Variants in GABRA4 observed in about 807,000 individuals in gnomAD.
The protein encoded by GABRA4 is gamma-aminobutyric acid type A receptor subunit alpha4.
GABRA4 carries 12 observed loss-of-function variants against 49.7 expected under a neutral mutation model. The observed-to-expected ratio is 0.24, with a 90% CI of 0.15 to 0.39. GABRA4 has a LOEUF of 0.39. Ranked by LOEUF, GABRA4 falls within the 10% of genes least tolerant of loss-of-function variation. The pLI is 1.00. For missense variants in GABRA4, 506 were observed against 686.0 expected, an observed-to-expected ratio of 0.74 and a Z score of 2.93; for synonymous variants, 288 against 240.2, an observed-to-expected ratio of 1.20 and a Z score of -1.84.
chr4:46,984,824 T>C (rs781647911), intron 2 of GABRA4, among the ~76,000 whole-genome samples: 1 of 152,036 alleles, frequency 6.6e-6, no homozygotes, highest in Non-Finnish European at 1.5e-5. Flanking sequence ...GTCATGTTCA[T>C]TGTAAACTGT....
intron 8 of GABRA4, among the ~76,000 whole-genome samples, chr4:46,955,649 G>A (rs558399909): frequency 2.1e-4 from 32 of 152,144 alleles, no homozygotes; most frequent in African/African-American, 7.7e-4. Context: ...AAGGAGCACA[G>A]TATTCCCAAC....
rs796077107 is a variant in GABRA4 at position 46,960,341 on chromosome 4, A to C, written c.1134+4629T>G. Among the ~76,000 whole-genome samples, 12 of 151,722 alleles carry C rather than the reference A, an allele frequency of 7.9e-5. No individual in the cohort carries two copies. The South Asian group carries it at 1.0e-3, about 13-fold the overall frequency. On this transcript the variant is annotated intron_variant, in intron 8 of 8. Transcript: ENST00000264318. ...ATGATCTCATAAAATCAGTGGGAGA[A>C]TTTTTCAAATATTTCTTGGTATTTG... is the stretch of plus-strand genomic sequence containing the variant.
intron 8 of GABRA4, among the ~76,000 whole-genome samples, chr4:46,933,404 C>T (rs1721508183): frequency 6.6e-6 from 1 of 152,116 alleles, no homozygotes; most frequent in Non-Finnish European, 1.5e-5. Context: ...TTTAAGTTAT[C>T]TTGACTCAAT....
chr4:46,958,537 A>G (rs975797987), intron 8 of GABRA4, among the ~76,000 whole-genome samples: 4 of 151,960 alleles, frequency 2.6e-5, no homozygotes, highest in African/African-American at 9.7e-5. Context: ...TAGGTACTCT[A>G]AGAAATGAGA....
At chr4:46,992,151 T>C (rs1280205623) in intron 2 of GABRA4, among the ~76,000 whole-genome samples, 1 of 152,208 alleles carries the variant, frequency 6.6e-6, no homozygotes, top group Non-Finnish European at 1.5e-5. Context: ...AATATGAATA[T>C]GAAAAACAGC....
chr4:46,955,730 ATT>A (rs773022444), intron 8 of GABRA4, among the ~76,000 whole-genome samples: 2 of 152,104 alleles, frequency 1.3e-5, no homozygotes, highest in African/African-American at 2.4e-5. Context: ...AAAGGTTTGT[ATT>A]TCAGGAGACA....
At chr4:46,988,293 G>A (rs368126006) in intron 2 of GABRA4, among the ~76,000 whole-genome samples, 4 of 151,772 alleles carry the variant, frequency 2.6e-5, no homozygotes, top group African/African-American at 9.7e-5. Flanking sequence ...ATAATGCTTA[G>A]CTATAAAGTC....
chr4:46,975,813 G>A (rs1246398019), intron 5 of GABRA4, among the ~76,000 whole-genome samples: 1 of 151,734 alleles, frequency 6.6e-6, no homozygotes, highest in Non-Finnish European at 1.5e-5. Context: ...TTTAATTCTG[G>A]CCCCAATGAG....
chr4:46,969,966 C>A (rs957895715), intron 7 of GABRA4, among the ~76,000 whole-genome samples: 1 of 151,346 alleles, frequency 6.6e-6, no homozygotes, highest in Non-Finnish European at 1.5e-5. Flanking sequence ...ATTGCCCCCC[C>A]ATATGAGTTT....
At chr4:46,945,788 C>T (rs1721960645) in intron 8 of GABRA4, among the ~76,000 whole-genome samples, 1 of 152,032 alleles carries the variant, frequency 6.6e-6, no homozygotes, top group Non-Finnish European at 1.5e-5. Flanking sequence ...CTTAAAACAC[C>T]ATTTGAAAAA....
chr4:46,944,760 C>T (rs565391016), intron 8 of GABRA4, among the ~76,000 whole-genome samples: 6 of 152,014 alleles, frequency 3.9e-5, no homozygotes, highest in African/African-American at 1.4e-4. Context: ...AATCTTACAC[C>T]ATATAAACTC....
At chr4:46,978,204 T>C (rs1723211923) in intron 3 of GABRA4, among the ~76,000 whole-genome samples, 1 of 152,068 alleles carries the variant, frequency 6.6e-6, no homozygotes, top group African/African-American at 2.4e-5. Context: ...GGATGAATTC[T>C]TCCTGACCAG....
At chr4:46,986,467 A>G (rs1723541301) in intron 2 of GABRA4, among the ~76,000 whole-genome samples, 1 of 151,882 alleles carries the variant, frequency 6.6e-6, no homozygotes, top group South Asian at 2.1e-4. Flanking sequence ...TTAGTTTTAT[A>G]CACACTCCCT....
At chr4:46,940,657 A>G (rs1226172829) in intron 8 of GABRA4, among the ~76,000 whole-genome samples, 1 of 152,112 alleles carries the variant, frequency 6.6e-6, no homozygotes, top group Non-Finnish European at 1.5e-5. Flanking sequence ...CAGCACATTA[A>G]GTCAGCAGAA....
intron 8 of GABRA4, among the ~76,000 whole-genome samples, chr4:46,948,234 T>G (rs1373640981): frequency 6.6e-6 from 1 of 152,018 alleles, no homozygotes; most frequent in East Asian, 1.9e-4. Flanking sequence ...TCTTAAGTCC[T>G]CCACTGAACA....
At chr4:46,953,671 A>T (rs1722247372) in intron 8 of GABRA4, among the ~76,000 whole-genome samples, 1 of 152,202 alleles carries the variant, frequency 6.6e-6, no homozygotes, top group African/African-American at 2.4e-5. Context: ...ATGATCTAAA[A>T]AATGTGATTA....
At chr4:46,968,650 A>C (rs756281938) in intron 7 of GABRA4, among the ~76,000 whole-genome samples, 3 of 151,664 alleles carry the variant, frequency 2.0e-5, no homozygotes, top group Admixed American at 1.3e-4. Flanking sequence ...AAATCTGTTT[A>C]TCATTGGTAC....
chr4:46,932,491 T>C (rs368851025), intron 8 of GABRA4, among the ~76,000 whole-genome samples: 3 of 152,220 alleles, frequency 2.0e-5, no homozygotes, highest in African/African-American at 7.2e-5. Flanking sequence ...AGAAAAATTA[T>C]ACAAGACTTG....
intron 8 of GABRA4, among the ~76,000 whole-genome samples, chr4:46,963,357 C>T (rs1722645479): frequency 6.6e-6 from 1 of 151,882 alleles, no homozygotes; most frequent in Non-Finnish European, 1.5e-5. Context: ...CCAGAATTCC[C>T]ACTTGTTGTA....
Sources: gnomAD v4.1 joint callset for allele counts (sites outside exome capture counted in the v4.1 genomes callset) on GRCh38, gnomAD v4.1.1 for gene constraint, MANE v1.5 for transcripts, NCBI Gene and HGNC (gene_info 2026-07-23, HGNC 2026-07-21) for gene names.